RPRD2: variants seen among roughly 807,000 people sequenced by gnomAD.
RPRD2 encodes regulation of nuclear pre-mRNA domain-containing protein 2.
In RPRD2, 12 loss-of-function variants were observed where a neutral mutation model predicts 104.4. The observed-to-expected ratio is 0.11, with a 90% CI of 0.07 to 0.19. The LOEUF (loss-of-function observed/expected upper bound fraction) is 0.19, where lower values mean the gene tolerates loss of function less well. Ranked by LOEUF, RPRD2 falls within the 10% of genes least tolerant of loss-of-function variation. The probability of loss-of-function intolerance (pLI) is 1.00; values close to 1 mark genes in which losing one functional copy is unlikely to be tolerated. For missense variants in RPRD2, 1,543 were observed against 1,790.1 expected (o/e 0.86, Z 2.49); for synonymous variants, 714 against 684.9 (o/e 1.04, Z -0.66).
At chr1:150,379,945 A>T (rs1661004723) in intron 1 of RPRD2, among the ~76,000 whole-genome samples, 1 of 152,274 alleles carries the variant, frequency 6.6e-6, no homozygotes, top group South Asian at 2.1e-4. Flanking sequence ...ACCAAAATAT[A>T]GAATGACCTT....
At position 150,432,794 on chromosome 1, in the gene RPRD2, A is replaced by G. The variant is rs184611071; in HGVS notation, c.336-8129A>G. Among the ~76,000 whole-genome samples, 451 of 152,066 alleles carry G rather than the reference A, an allele frequency of 3.0e-3. 1 individual carries two copies. The highest frequency in any genetic ancestry group is 7.0e-3 in the Admixed American group (107 of 15,254). ...GGAGTCTGCAACCAGCCTGGGCAAC[A>G]TGGTGAGATTCCGTCTCTAAAAAAA... On this transcript the variant is annotated intron_variant, in intron 2 of 10. Coordinates refer to ENST00000369068, the MANE Select transcript of RPRD2 (RefSeq NM_015203.5).
chr1:150,373,580 G>A (rs1660486945), intron 1 of RPRD2, among the ~76,000 whole-genome samples: 1 of 124,616 alleles, frequency 8.0e-6, no homozygotes, highest in Non-Finnish European at 1.6e-5. Context: ...AAAGATAAGA[G>A]TTGACATTTA....
At chr1:150,425,333 T>C (rs587669862) in intron 2 of RPRD2, among the ~76,000 whole-genome samples, 1 of 152,284 alleles carries the variant, frequency 6.6e-6, no homozygotes, top group African/African-American at 2.4e-5. Context: ...AATATATTTT[T>C]ATATTGCTTT....
At chr1:150,427,070 G>A (rs587622364) in intron 2 of RPRD2, among the ~76,000 whole-genome samples, 2 of 152,178 alleles carry the variant, frequency 1.3e-5, no homozygotes, top group South Asian at 2.1e-4. Flanking sequence ...ACTTGAACCC[G>A]GGAAGTGGAG....
rs1175443026 is a variant in RPRD2 at position 150,394,444 on chromosome 1, A to G, written c.206-23152A>G. On this transcript the variant is annotated intron_variant, in intron 1 of 10. Transcript: ENST00000369068. ...GGGATAAATTATATTGCTCTCTACA[A>G]TCTACTTTAAGATGGTTTGGCAAAA... is the stretch of plus-strand genomic sequence containing the variant. 3.3e-5 allele frequency among the ~76,000 whole-genome samples: 5 copies of G among 152,190 alleles called. No homozygotes were observed. In the East Asian group the frequency reaches 5.8e-4, roughly 18 times the overall value.
At chr1:150,393,915 C>G (rs1662286881) in intron 1 of RPRD2, among the ~76,000 whole-genome samples, 1 of 151,798 alleles carries the variant, frequency 6.6e-6, no homozygotes, top group Non-Finnish European at 1.5e-5. Context: ...GTGAAAAAAA[C>G]AAAGGTAAAA....
chr1:150,405,651 A>G lies in RPRD2; in HGVS notation c.206-11945A>G, dbSNP rs950280913. 7.9e-5 allele frequency among the ~76,000 whole-genome samples: 12 copies of G among 152,118 alleles called. No individual in the cohort carries two copies. The South Asian group carries it at 8.3e-4, about 11-fold the overall frequency. ...CAGTGAGTATTTCTCTATGGCCTCAAATGTCTTTCTGATAATTACAGTTTC... is the reference window on the plus strand; with the variant it reads ...CAGTGAGTATTTCTCTATGGCCTCAGATGTCTTTCTGATAATTACAGTTTC... On this transcript the variant is annotated intron_variant, in intron 1 of 10. Coordinates refer to ENST00000369068, the MANE Select transcript of RPRD2 (RefSeq NM_015203.5).
At chr1:150,441,776 C>A in intron 3 of RPRD2, 105 bp from the exon 4 acceptor site, 1 of 615,704 alleles carries the variant, frequency 1.6e-6, no homozygotes, top group Non-Finnish European at 2.8e-6. Context: ...AGAAACAACA[C>A]ACAGTCTCGG....
At position 150,390,500 on chromosome 1, in the gene RPRD2, A is replaced by AAAAT. The variant is rs587743807; in HGVS notation, c.205+25601_205+25604dup. Among the ~76,000 whole-genome samples, 965 of 152,062 alleles carry AAAAT rather than the reference A, an allele frequency of 6.3e-3. 6 individuals carry two copies. Among genetic ancestry groups the AAAAT allele is most frequent in the Non-Finnish European group, 8.4e-3 (571 of 67,986 alleles). On this transcript the variant is annotated intron_variant, in intron 1 of 10. Coordinates refer to ENST00000369068, the MANE Select transcript of RPRD2 (RefSeq NM_015203.5). ...GGCGACAAGTGAGACTCCGTCTCAA[A>AAAAT]AAATAAATAAATAAATAAATAAAAA...
intron 1 of RPRD2, 33 bp downstream of exon 1, chr1:150,364,952 C>T (rs782130228): frequency 6.2e-7 from 1 of 1,606,502 alleles, no homozygotes. Flanking sequence ...GAAGGGAAGA[C>T]TGGGGAAATG....
In RPRD2 at chr1:150,473,418, T is replaced by C; in HGVS notation, c.*84T>C. 7.3e-7 allele frequency: 1 copy of C among 1,363,584 alleles called. No homozygotes were observed. The highest frequency in any genetic ancestry group is 9.9e-7 in the Non-Finnish European group (1 of 1,012,490). 84.5% of individuals were successfully genotyped at this position (1,363,584 alleles called of 1,614,324 possible). Reference sequence around the variant, plus strand: ...GTTTATTGTTGTTGTTTTTATTTGTTTTCTCTTTCTCGATTTTTTTTTTAT... The same window carrying C: ...GTTTATTGTTGTTGTTTTTATTTGTCTTCTCTTTCTCGATTTTTTTTTTAT... On this transcript the variant is annotated 3_prime_UTR_variant, in exon 11 of 11. Coordinates refer to ENST00000369068, the MANE Select transcript of RPRD2 (RefSeq NM_015203.5).
Position 150,364,603 on chromosome 1 carries a change from T to A in RPRD2, c.-112T>A. On this transcript the variant is annotated 5_prime_UTR_variant, in exon 1 of 11. Transcript: ENST00000369068. ...GCGTGCACCATCCCCACCCCCTAGC[T>A]TCCCTCCCCACCTACGGCTTTCACG... 1 of 622,532 alleles carries A rather than the reference T, an allele frequency of 1.6e-6. No individual in the cohort carries two copies. The highest frequency in any genetic ancestry group is 2.8e-6 in the Non-Finnish European group (1 of 357,810). 38.6% of individuals were successfully genotyped at this position (622,532 alleles called of 1,614,324 possible).
intron 1 of RPRD2, among the ~76,000 whole-genome samples, chr1:150,401,044 C>T (rs1013576952): frequency 1.3e-5 from 2 of 151,810 alleles, no homozygotes; most frequent in Admixed American, 1.3e-4. Context: ...GGTGTGGTGG[C>T]GGGCACCTGT....
chr1:150,429,701 A>G (rs1364515242), intron 2 of RPRD2, among the ~76,000 whole-genome samples: 3 of 152,216 alleles, frequency 2.0e-5, no homozygotes, highest in African/African-American at 7.2e-5. Context: ...CAAAGAAACA[A>G]CAACAAATAA....
intron 10 of RPRD2, among the ~76,000 whole-genome samples, chr1:150,469,133 G>T (rs1019370053): frequency 1.3e-5 from 2 of 152,084 alleles, no homozygotes; most frequent in Admixed American, 6.6e-5. Flanking sequence ...TAGAATATGG[G>T]TTAAAATTGA....
At chr1:150,369,768 A>G (rs1199330832) in intron 1 of RPRD2, among the ~76,000 whole-genome samples, 2 of 123,072 alleles carry the variant, frequency 1.6e-5, no homozygotes, top group African/African-American at 6.2e-5. Context: ...ACACCTGGCT[A>G]ATTTTTATGT....
intron 4 of RPRD2, among the ~76,000 whole-genome samples, chr1:150,442,505 G>T (rs1171795799): frequency 1.3e-5 from 2 of 152,178 alleles, no homozygotes; most frequent in African/African-American, 4.8e-5. Context: ...TACTGCATGT[G>T]ATAGGCTGCT....
At chr1:150,384,704 A>G (rs1236429338) in intron 1 of RPRD2, among the ~76,000 whole-genome samples, 5 of 146,124 alleles carry the variant, frequency 3.4e-5, no homozygotes, top group Non-Finnish European at 7.5e-5. Flanking sequence ...ACCAGGTTTC[A>G]CCCTGTTGGC....
Position 150,471,312 on chromosome 1 carries a change from A to G in RPRD2, c.2364A>G (p.Thr788=). The change falls in exon 11 of 11, where the codon ACA becomes ACG. Residue 788 remains threonine (T), a synonymous_variant. Transcript: ENST00000369068. This position sits in a 1 kb window ranked among gnomAD's most constrained non-coding sequence, Gnocchi z 5.3. ...GAGAGCTCTCCAATTCTGTATCTAC[A>G]TATCGACCCTTTGGTCTGGGCAGTG... The part of the protein sequence containing the change: ...YPRELSNSVS[T]YRPFGLGSES... The G allele has an allele frequency of 6.2e-7, 1 of 1,613,834 alleles. No individual in the cohort carries two copies. The highest frequency in any genetic ancestry group is 8.5e-7 in the Non-Finnish European group (1 of 1,179,870).
Sources: allele counts gnomAD v4.1 joint callset (sites outside exome capture counted in the v4.1 genomes callset), GRCh38; gene constraint gnomAD v4.1.1; non-coding constraint Gnocchi (gnomAD v3.1); transcripts MANE v1.5; gene names NCBI Gene and HGNC (gene_info 2026-07-23, HGNC 2026-07-21).